NALCN: variants seen among roughly 807,000 people sequenced by gnomAD.
The protein encoded by NALCN is sodium leak channel, non-selective.
Under a neutral mutation model 225.3 loss-of-function variants are expected in NALCN, and 111 were observed. That is an observed-to-expected ratio of 0.49 (90% CI 0.42 to 0.58). The LOEUF is 0.58. Ranked by LOEUF, NALCN falls within the 20% of genes least tolerant of loss-of-function variation. NALCN has a pLI of 0.00. For missense variants in NALCN, 1,378 were observed against 2,202.4 expected, an observed-to-expected ratio of 0.63 and a Z score of 7.49; for synonymous variants, 764 against 769.0, an observed-to-expected ratio of 0.99 and a Z score of 0.11.
chr13:101,133,943 G>A (rs868035361), intron 17 of NALCN, among the ~76,000 whole-genome samples: 7 of 152,268 alleles, frequency 4.6e-5, no homozygotes, highest in Non-Finnish European at 1.0e-4. Flanking sequence ...GCCGAGGTGG[G>A]TGGATCACGA....
At chr13:101,251,873 T>C (rs1292020641) in intron 11 of NALCN, among the ~76,000 whole-genome samples, 1 of 152,178 alleles carries the variant, frequency 6.6e-6, no homozygotes, top group Non-Finnish European at 1.5e-5. Context: ...CTTGGCAGTT[T>C]ATGACTCATT....
At position 101,130,866 on chromosome 13, in the gene NALCN, T is replaced by C. The variant is rs1230928187; in HGVS notation, c.2119-6185A>G. Among the ~76,000 whole-genome samples, 8 of 152,182 alleles carry C rather than the reference T, an allele frequency of 5.3e-5. No homozygotes were observed. The East Asian group carries it at 1.2e-3, about 22-fold the overall frequency. On this transcript the variant is annotated intron_variant, in intron 17 of 43. Coordinates refer to ENST00000251127, the MANE Select transcript of NALCN (RefSeq NM_052867.4). ...TTTTTAGGTGTGTGCTGTCAATATA[T>C]AGTTTCATATCTTTTTATGTTTCAG...
At chr13:101,128,882 G>A (rs1199042379) in intron 17 of NALCN, among the ~76,000 whole-genome samples, 4 of 152,182 alleles carry the variant, frequency 2.6e-5, no homozygotes, top group Non-Finnish European at 2.9e-5. Context: ...TCTGGATTTT[G>A]CTGAAAGCAC....
chr13:101,381,355 A>G (rs942131961), intron 3 of NALCN, among the ~76,000 whole-genome samples: 1 of 152,172 alleles, frequency 6.6e-6, no homozygotes, highest in Non-Finnish European at 1.5e-5. Flanking sequence ...TTTTATAGTC[A>G]TCTTCAACTT....
rs953882330 is a variant in NALCN, at chr13:101,054,541, C to T, written c.*754G>A. On this transcript the variant is annotated 3_prime_UTR_variant, in exon 44 of 44. Transcript: ENST00000251127. ...TTAAAAGGTTTCTTAAGAAACTTAA[C>T]ATCTTTGCGCAACTATGTCACTCAA... 2.0e-5 allele frequency: 3 copies of T among 152,290 alleles called. No homozygotes were observed. Among genetic ancestry groups the T allele is most frequent in the African/African-American group, 7.2e-5 (3 of 41,572 alleles). The allele number at this position is 152,290 out of a possible 1,614,324, so 9.4% of individuals were successfully genotyped here. A position where few individuals can be genotyped will look rare whatever the true frequency, so the allele number is the denominator to read the frequency against.
At chr13:101,385,439 T>C (rs2046960680) in intron 3 of NALCN, among the ~76,000 whole-genome samples, 2 of 150,750 alleles carry the variant, frequency 1.3e-5, no homozygotes, top group African/African-American at 2.4e-5. Context: ...AGCCCTTTCA[T>C]AAAAAAAAAG....
chr13:101,310,034 T>C (rs1465755328), intron 7 of NALCN, among the ~76,000 whole-genome samples: 3 of 152,108 alleles, frequency 2.0e-5, no homozygotes, highest in African/African-American at 7.2e-5. Context: ...GTAAATCCCA[T>C]AAAGTAAACA....
chr13:101,341,091 G>C (rs937758485), intron 7 of NALCN, among the ~76,000 whole-genome samples: 1 of 151,672 alleles, frequency 6.6e-6, no homozygotes, highest in Non-Finnish European at 1.5e-5. Context: ...TATCTCCCCC[G>C]GTTTTCATCT....
At chr13:101,307,884 A>G (rs2044205565) in intron 7 of NALCN, among the ~76,000 whole-genome samples, 1 of 152,202 alleles carries the variant, frequency 6.6e-6, no homozygotes, top group African/African-American at 2.4e-5. Flanking sequence ...TTTAAAAAGC[A>G]GCAAGATTTT....
intron 14 of NALCN, among the ~76,000 whole-genome samples, chr13:101,184,050 G>GTA (rs1194393070): frequency 6.6e-6 from 1 of 152,198 alleles, no homozygotes; most frequent in Non-Finnish European, 1.5e-5. Flanking sequence ...TACAGCTGAT[G>GTA]TATGTATCCA....
intron 10 of NALCN, among the ~76,000 whole-genome samples, chr13:101,283,037 T>C (rs1315873109): frequency 6.6e-6 from 1 of 152,096 alleles, no homozygotes; most frequent in Non-Finnish European, 1.5e-5. Context: ...TAAACAACTA[T>C]GGAAACCACC....
chr13:101,302,054 C>A (rs2043992136), intron 7 of NALCN, among the ~76,000 whole-genome samples: 1 of 152,034 alleles, frequency 6.6e-6, no homozygotes, highest in Non-Finnish European at 1.5e-5. Flanking sequence ...GAAATCTTTT[C>A]AAAGGAAATT....
chr13:101,404,079 T>C (rs2047551818), intron 1 of NALCN, among the ~76,000 whole-genome samples: 2 of 152,216 alleles, frequency 1.3e-5, no homozygotes, highest in South Asian at 2.1e-4. Flanking sequence ...GTTCCTGACA[T>C]GGAAGACAAC....
chr13:101,192,608 T>C (rs7981081), intron 13 of NALCN, among the ~76,000 whole-genome samples: 1,656 of 152,102 alleles, frequency 0.011, 31 homozygotes, highest in African/African-American at 0.038. Flanking sequence ...ACATTTTTCA[T>C]GATTTAAAAA....
At chr13:101,071,047 A>G (rs185866798) in intron 37 of NALCN, among the ~76,000 whole-genome samples, 1 of 152,322 alleles carries the variant, frequency 6.6e-6, no homozygotes, top group African/African-American at 2.4e-5. Context: ...GAACTCACTC[A>G]GTATCACAAG....
At chr13:101,271,566 T>C (rs1438760490) in intron 10 of NALCN, among the ~76,000 whole-genome samples, 1 of 152,148 alleles carries the variant, frequency 6.6e-6, no homozygotes, top group Non-Finnish European at 1.5e-5. Context: ...AGTTGTTTTA[T>C]ATTCCCCTGA....
Position 101,057,924 on chromosome 13 carries a change from C to A in NALCN, c.5023+15G>T. On this transcript the variant is annotated intron_variant, in intron 43 of 43. Coordinates refer to ENST00000251127, the MANE Select transcript of NALCN (RefSeq NM_052867.4). ...AAATGCCTCGATCGCTGGAGAAATG[C>A]CTGGATGGACCTACCTGAGGGCAGA... 6.3e-7 allele frequency: 1 copy of A among 1,591,956 alleles called. No homozygotes were observed. Among genetic ancestry groups the A allele is most frequent in the South Asian group, 1.1e-5 (1 of 90,698 alleles).
intron 7 of NALCN, among the ~76,000 whole-genome samples, chr13:101,325,993 A>C (rs1327793752): frequency 1.3e-5 from 2 of 152,180 alleles, no homozygotes; most frequent in African/African-American, 4.8e-5. Context: ...TTTAGTTATT[A>C]CCATAATTTA....
At chr13:101,306,690 T>A (rs1453924922) in intron 7 of NALCN, among the ~76,000 whole-genome samples, 1 of 152,234 alleles carries the variant, frequency 6.6e-6, no homozygotes, top group Admixed American at 6.5e-5. Context: ...CATGAATTGC[T>A]GTGGGTCAGG....
Sources: gnomAD v4.1 joint callset for allele counts (sites outside exome capture counted in the v4.1 genomes callset) on GRCh38, gnomAD v4.1.1 for gene constraint, MANE v1.5 for transcripts, NCBI Gene and HGNC (gene_info 2026-07-23, HGNC 2026-07-21) for gene names.